Variants in GRAMD1A observed in about 807,000 individuals in gnomAD.
GRAMD1A encodes the protein protein Aster-A.
Under a neutral mutation model 92.0 loss-of-function variants are expected in GRAMD1A, and 50 were observed. The ratio of observed to expected loss-of-function variants is 0.54; its 90% CI spans 0.43 to 0.69. GRAMD1A has a LOEUF of 0.69. Ranked by LOEUF, GRAMD1A falls within the 30% of genes least tolerant of loss-of-function variation. GRAMD1A has a pLI of 0.00. For synonymous variants in GRAMD1A, 405 were observed against 403.6 expected (o/e 1.00, Z -0.04); for missense variants, 819 against 978.9 (o/e 0.84, Z 2.18).
At chr19:35,023,753 C>T in intron 19 of GRAMD1A, 1 of 528,298 alleles carries the variant, frequency 1.9e-6, no homozygotes, top group South Asian at 3.7e-5. Context: ...TGGCTCACGT[C>T]CTGGAGAAAA....
chr19:35,020,658 CAAAAAAAA>C (rs56181450), intron 13 of GRAMD1A, among the ~76,000 whole-genome samples: 5 of 112,334 alleles, frequency 4.5e-5, no homozygotes, highest in Admixed American at 9.4e-5. Flanking sequence ...GACCCTGTCT[CAAAAAAAA>C]AAAAAAAAAA....
chr19:35,016,098 C>A, intron 11 of GRAMD1A, 131 bp downstream of exon 11: 1 of 968,770 alleles, frequency 1.0e-6, no homozygotes, highest in Non-Finnish European at 1.5e-6. Flanking sequence ...CAATGTCTGT[C>A]AGACCAGAAG....
In GRAMD1A at chr19:35,026,077, A is replaced by G. The variant is rs1406412438; in HGVS notation, c.2111A>G (p.Gln704Arg). 1 of 1,605,504 alleles carries G rather than the reference A, an allele frequency of 6.2e-7. No individual in the cohort carries two copies. Among genetic ancestry groups the G allele is most frequent in the Admixed American group, 1.7e-5 (1 of 60,022 alleles). ...AAGTTCTCGCTGGAGAAGCTGCACCAAGGCATCACAGTCTCAGACCCTCCC... is the reference window on the plus strand; with the variant it reads ...AAGTTCTCGCTGGAGAAGCTGCACCGAGGCATCACAGTCTCAGACCCTCCC... ...EMKFSLEKLH[Q>R]GITVSDPPFD... Residue 704 changes from glutamine to arginine, a missense_variant, in exon 20 of 20, where the codon CAA (glutamine) becomes CGA (arginine). By Grantham distance (43) the Gln-to-Arg change is conservative. Around this residue, in one of 3 missense-constraint regions of GRAMD1A, gnomAD observed 577 missense variants for 674.6 expected, o/e 0.86. Coordinates refer to ENST00000317991, the MANE Select transcript of GRAMD1A (RefSeq NM_020895.5).
chr19:35,011,666 C>T, intron 7 of GRAMD1A, 112 bp downstream of exon 7: 1 of 736,906 alleles, frequency 1.4e-6, no homozygotes, highest in Non-Finnish European at 2.3e-6. Context: ...TCCATGGGCA[C>T]CAGGCCCAGT....
At chr19:35,014,470 G>A (rs1250077188) in intron 10 of GRAMD1A, 83 bp downstream of exon 10, 6 of 1,191,392 alleles carry the variant, frequency 5.0e-6, no homozygotes, top group East Asian at 2.4e-5. Flanking sequence ...GGATTCGCCC[G>A]CAGCACTGAG....
rs2015363214 is a variant in GRAMD1A at position 35,013,179 on chromosome 19, A to G, written c.607-77A>G. The stretch of plus-strand genomic sequence containing the variant: ...GAAGCCAGGGGAACTGCGGAGGCCG[A>G]GGGCTGGTGGGGAATCTGGCGGGCC... On this transcript the variant is annotated intron_variant, in intron 7 of 19. Coordinates refer to ENST00000317991, the MANE Select transcript of GRAMD1A (RefSeq NM_020895.5). This position sits in a 1 kb window ranked among gnomAD's most constrained non-coding sequence, Gnocchi z 4.9. The G allele has an allele frequency of 1.3e-6, 1 of 741,730 alleles. No homozygotes were observed. The highest frequency in any genetic ancestry group is 2.3e-6 in the Non-Finnish European group (1 of 438,340). 45.9% of individuals were successfully genotyped at this position (741,730 alleles called of 1,614,324 possible). A position where few individuals can be genotyped will look rare whatever the true frequency, so the allele number is the denominator to read the frequency against.
At position 35,026,376 on chromosome 19, in the gene GRAMD1A, G is replaced by C. The variant is rs1165696533; in HGVS notation, c.*235G>C. Reference sequence around the variant, plus strand: ...TATTTTGCCCGGCTGAGGTTGTGGGGGGCGCCTCCTGGGGTGCACGATTCC... The same window carrying C: ...TATTTTGCCCGGCTGAGGTTGTGGGCGGCGCCTCCTGGGGTGCACGATTCC... On this transcript the variant is annotated 3_prime_UTR_variant, in exon 20 of 20. Coordinates refer to ENST00000317991, the MANE Select transcript of GRAMD1A (RefSeq NM_020895.5). 1 of 580,418 alleles carries C rather than the reference G, an allele frequency of 1.7e-6. No individual in the cohort carries two copies. Among genetic ancestry groups the C allele is most frequent in the Non-Finnish European group, 3.1e-6 (1 of 324,562 alleles). 36.0% of individuals were successfully genotyped at this position (580,418 alleles called of 1,614,324 possible).
Position 35,005,604 on chromosome 19 carries a change from CA to C in GRAMD1A, c.9-3514del, listed in dbSNP as rs1293717985. Among the ~76,000 whole-genome samples the C allele has an allele frequency of 2.0e-5, 3 of 152,192 alleles. No homozygotes were observed. The South Asian group carries it at 6.2e-4, about 32-fold the overall frequency. On this transcript the variant is annotated intron_variant, in intron 1 of 19. Transcript: ENST00000317991. The stretch of plus-strand genomic sequence containing the variant: ...CAGGGAGGAGGCTGCTGGGATGGCC[CA>C]GGGGAAAAGCAGTGGCCTGGGCCAC...
intron 6 of GRAMD1A, 24 bp from the exon 7 acceptor site, chr19:35,011,450 T>C: frequency 1.0e-5 from 6 of 587,070 alleles, no homozygotes; most frequent in Non-Finnish European, 1.2e-5. Context: ...TGCTCACACC[T>C]CTCTCTCTCT....
chr19:35,005,983 C>T (rs570061358), intron 1 of GRAMD1A: 7 of 456,244 alleles, frequency 1.5e-5, no homozygotes, highest in South Asian at 7.7e-5. Flanking sequence ...ATCCCACCTG[C>T]ACCCCAGAAT....
chr19:35,024,560 C>T (rs145697749), intron 19 of GRAMD1A, among the ~76,000 whole-genome samples: 4 of 152,274 alleles, frequency 2.6e-5, no homozygotes, highest in East Asian at 1.9e-4. Context: ...CTGGCATTGC[C>T]TGCATTTCCA....
intron 13 of GRAMD1A, 82 bp downstream of exon 13, chr19:35,019,615 C>A: frequency 1.5e-6 from 2 of 1,353,200 alleles, no homozygotes; most frequent in Non-Finnish European, 1.1e-6. Flanking sequence ...GCAGCAGAGC[C>A]TTGGTTCCCA....
At chr19:34,996,275 AGT>A, upstream of GRAMD1A, 1 of 1,531,936 alleles carries the variant, frequency 6.5e-7, no homozygotes, top group African/African-American at 1.4e-5. Flanking sequence ...AGACCCGCAG[AGT>A]CTGTCCCAGG....
intron 11 of GRAMD1A, 91 bp from the exon 12 acceptor site, chr19:35,019,100 C>G: frequency 1.2e-6 from 1 of 834,180 alleles, no homozygotes; most frequent in Non-Finnish European, 2.0e-6. Flanking sequence ...GGACAGGTCC[C>G]CAGAGAGACC....
rs753554845 is a variant in GRAMD1A at position 35,013,223 on chromosome 19, G to GA, written c.607-32dup. The GA allele has an allele frequency of 5.8e-6, 7 of 1,212,424 alleles. No individual in the cohort carries two copies. Among genetic ancestry groups the GA allele is most frequent in the Non-Finnish European group, 7.1e-6 (6 of 848,456 alleles). 75.1% of individuals were successfully genotyped at this position (1,212,424 alleles called of 1,614,324 possible). On this transcript the variant is annotated intron_variant, in intron 7 of 19. Transcript: ENST00000317991. The surrounding 1 kb of genome is among the most constrained non-coding windows in gnomAD (Gnocchi z 4.9). The stretch of plus-strand genomic sequence containing the variant: ...GCGGGCCGGGCTCTGGCTGGGGTGA[G>GA]ATGGAGGCCAACCCCAGGTCCCGCC...
At chr19:34,997,480 G>A (rs1346505307), upstream of GRAMD1A, among the ~76,000 whole-genome samples, 2 of 151,840 alleles carry the variant, frequency 1.3e-5, no homozygotes, top group African/African-American at 4.8e-5. Context: ...CTGGTACAAG[G>A]AGACAGGAAA....
At chr19:35,025,921 G>C (rs561995683) in intron 19 of GRAMD1A, 128 bp from the exon 20 acceptor site, 26 of 660,452 alleles carry the variant, frequency 3.9e-5, no homozygotes, top group African/African-American at 3.5e-4. Context: ...TTTTCACCAA[G>C]GGACCCTGGG....
intron 19 of GRAMD1A, among the ~76,000 whole-genome samples, chr19:35,024,510 G>T (rs924808899): frequency 6.6e-6 from 1 of 151,872 alleles, no homozygotes; most frequent in Non-Finnish European, 1.5e-5. Flanking sequence ...TTAGGCACTC[G>T]GGGAAGGTGT....
chr19:35,007,103 C>G (rs2014877817), intron 1 of GRAMD1A, among the ~76,000 whole-genome samples: 2 of 152,142 alleles, frequency 1.3e-5, no homozygotes, highest in Admixed American at 6.5e-5. Context: ...AAGGTGAGGT[C>G]TTTGCTTTTA....
Sources: gnomAD v4.1 joint callset for allele counts (sites outside exome capture counted in the v4.1 genomes callset) on GRCh38, gnomAD v4.1.1 for gene constraint, gnomAD v4.1.1 regional missense constraint, Gnocchi (gnomAD v3.1) non-coding constraint, MANE v1.5 for transcripts, NCBI Gene and HGNC (gene_info 2026-07-23, HGNC 2026-07-21) for gene names.